ABL1: variants seen among roughly 807,000 people sequenced by gnomAD.
ABL1 encodes the protein ABL proto-oncogene 1, non-receptor tyrosine kinase, also known as tyrosine-protein kinase ABL1.
ABL1 carries 11 observed loss-of-function variants against 94.7 expected under a neutral mutation model. That is an observed-to-expected ratio of 0.12 (90% confidence interval 0.07 to 0.19). The LOEUF (loss-of-function observed/expected upper bound fraction) is 0.19. ABL1 is among the 10% of genes least tolerant of loss of function. The probability of loss-of-function intolerance (pLI) is 1.00; values close to 1 mark genes in which losing one functional copy is unlikely to be tolerated. For missense variants in ABL1, 1,082 were observed against 1,489.4 expected (o/e 0.73, Z 4.50); for synonymous variants, 656 against 622.4 (o/e 1.05, Z -0.80).
rs1278274472 is a variant in ABL1, at chr9:130,862,693, AACTGGCTC to A, written c.550-67_550-60del. On this transcript the variant is annotated intron_variant, in intron 3 of 10. Transcript: ENST00000318560. This position sits in a 1 kb window ranked among gnomAD's most constrained non-coding sequence, Gnocchi z 5.5. The stretch of plus-strand genomic sequence containing the variant: ...TGTGTAGTGAATTAAGGCTCAGCCA[AACTGGCTC>A]ACGTGAGCTCTTTGAGCTTGCCTGT... 34 of 1,553,100 alleles carry A rather than the reference AACTGGCTC, an allele frequency of 2.2e-5. No homozygotes were observed. The highest frequency in any genetic ancestry group is 3.0e-5 in the Non-Finnish European group (34 of 1,149,382).
intron 1 of ABL1, among the ~76,000 whole-genome samples, chr9:130,722,690 C>A (rs1831531708): frequency 6.6e-6 from 1 of 152,086 alleles, no homozygotes; most frequent in Non-Finnish European, 1.5e-5. Context: ...TCAGTTGTTT[C>A]CAATAGTCTA....
At chr9:130,829,929 G>A (rs1447914310) in intron 1 of ABL1, among the ~76,000 whole-genome samples, 2 of 152,158 alleles carry the variant, frequency 1.3e-5, no homozygotes, top group Non-Finnish European at 2.9e-5. Context: ...AATGAATTCA[G>A]AAAGAGCAAG....
chr9:130,781,080 C>T (rs762683363), intron 1 of ABL1, among the ~76,000 whole-genome samples: 11 of 152,146 alleles, frequency 7.2e-5, no homozygotes, highest in African/African-American at 1.2e-4. Context: ...AGTGAGTCAA[C>T]GCAGTCCCAA....
At chr9:130,739,035 C>T (rs559631815) in intron 1 of ABL1, among the ~76,000 whole-genome samples, 2 of 152,214 alleles carry the variant, frequency 1.3e-5, no homozygotes, top group Non-Finnish European at 2.9e-5. Context: ...CCGCTACAGG[C>T]GCGTGCCACC....
intron 1 of ABL1, among the ~76,000 whole-genome samples, chr9:130,804,045 A>G (rs1415625445): frequency 6.6e-6 from 1 of 151,082 alleles, no homozygotes; most frequent in African/African-American, 2.4e-5. Flanking sequence ...CAAGAGACTG[A>G]GTGAGACCTC....
intron 1 of ABL1, among the ~76,000 whole-genome samples, chr9:130,840,329 A>G (rs1054762494): frequency 6.6e-6 from 1 of 152,150 alleles, no homozygotes; most frequent in Non-Finnish European, 1.5e-5. Flanking sequence ...GAATATTTTC[A>G]TTGTGGAAGA....
chr9:130,775,454 AAAG>A (rs1207283237), intron 1 of ABL1, among the ~76,000 whole-genome samples: 5 of 152,216 alleles, frequency 3.3e-5, no homozygotes, highest in Non-Finnish European at 7.3e-5. Flanking sequence ...AAGAACTAAA[AAAG>A]AAATGAAAAC....
intron 1 of ABL1, among the ~76,000 whole-genome samples, chr9:130,742,211 C>T (rs1309289695): frequency 6.6e-6 from 1 of 152,172 alleles, no homozygotes; most frequent in Non-Finnish European, 1.5e-5. Flanking sequence ...TGTGCCCTAA[C>T]TGTGGTGGAT....
chr9:130,857,441 T>C (rs929559753), intron 3 of ABL1, among the ~76,000 whole-genome samples: 6 of 152,246 alleles, frequency 3.9e-5, no homozygotes, highest in Non-Finnish European at 8.8e-5. Flanking sequence ...GTCATCTTTA[T>C]GCCATTTAGT....
Position 130,835,582 on chromosome 9 carries a change from G to A in ABL1, c.79+57G>A. 3 of 1,479,332 alleles carry A rather than the reference G, an allele frequency of 2.0e-6. No homozygotes were observed. Among genetic ancestry groups the A allele is most frequent in the Non-Finnish European group, 2.8e-6 (3 of 1,086,154 alleles). The allele number at this position is 1,479,332 out of a possible 1,614,324, so 91.6% of individuals were successfully genotyped here. A position where few individuals can be genotyped will look rare whatever the true frequency, so the allele number is the denominator to read the frequency against. On this transcript the variant is annotated intron_variant, in intron 1 of 10. Transcript: ENST00000318560. The surrounding 1 kb of genome is among the most constrained non-coding windows in gnomAD (Gnocchi z 4.6). ...AGCCGCGCGCCCTCCCGCTGCTGCT[G>A]GGCCCTTCCTAGGCCTCGCCGCCCG... is the stretch of plus-strand genomic sequence containing the variant.
At chr9:130,731,787 A>G (rs1831669867) in intron 1 of ABL1, among the ~76,000 whole-genome samples, 1 of 152,158 alleles carries the variant, frequency 6.6e-6, no homozygotes, top group African/African-American at 2.4e-5. Context: ...TTCCATACCC[A>G]AACAGAAATA....
At chr9:130,741,080 C>T (rs1221919112) in intron 1 of ABL1, among the ~76,000 whole-genome samples, 1 of 152,090 alleles carries the variant, frequency 6.6e-6, no homozygotes, top group Non-Finnish European at 1.5e-5. Flanking sequence ...GGTACATAGA[C>T]TAAGGAGCCA....
chr9:130,719,955 A>G (rs1458683785), intron 1 of ABL1, among the ~76,000 whole-genome samples: 1 of 152,246 alleles, frequency 6.6e-6, no homozygotes, highest in Non-Finnish European at 1.5e-5. Flanking sequence ...ATGTTATTAA[A>G]TATTTCATGC....
chr9:130,745,534 C>A (rs1183591265), intron 1 of ABL1, among the ~76,000 whole-genome samples: 1 of 151,526 alleles, frequency 6.6e-6, no homozygotes, highest in African/African-American at 2.4e-5. Context: ...TCTCTCTCTC[C>A]CTCTCCTCTG....
At chr9:130,808,948 G>A (rs1830167903) in intron 1 of ABL1, among the ~76,000 whole-genome samples, 1 of 152,198 alleles carries the variant, frequency 6.6e-6, no homozygotes, top group Non-Finnish European at 1.5e-5. Flanking sequence ...TGAGACCTGA[G>A]AAATAGAGCC....
intron 3 of ABL1, among the ~76,000 whole-genome samples, chr9:130,859,812 C>A (rs1024983187): frequency 2.6e-5 from 4 of 151,460 alleles, no homozygotes; most frequent in African/African-American, 7.3e-5. Flanking sequence ...TCTCAAGTAG[C>A]TGAGACTACA....
At chr9:130,714,177 C>T (rs1831406611) in exon 1 of ABL1, 1 of 776,824 alleles carries the variant, frequency 1.3e-6, no homozygotes, top group African/African-American at 1.8e-5. Context: ...TGGAAGATGT[C>T]TTTCTGTGAT....
rs1426435818 is a variant in ABL1, at chr9:130,872,300, A to G, written c.907+87A>G. On this transcript the variant is annotated intron_variant, in intron 5 of 10. Transcript: ENST00000318560. This position sits in a 1 kb window ranked among gnomAD's most constrained non-coding sequence, Gnocchi z 5.0. Reference sequence around the variant, plus strand: ...GCTGGGGAAGACGCACGGGCGGCTCACTGCACAAAACCTCGTTGGAATATT... The same window carrying G: ...GCTGGGGAAGACGCACGGGCGGCTCGCTGCACAAAACCTCGTTGGAATATT... 2.5e-6 allele frequency: 3 copies of G among 1,210,080 alleles called. No individual in the cohort carries two copies. In the Admixed American group the frequency reaches 6.5e-5, roughly 26 times the overall value. The allele number at this position is 1,210,080 out of a possible 1,614,324, so 75.0% of individuals were successfully genotyped here.
chr9:130,762,214 C>T (rs1832125349), intron 1 of ABL1, among the ~76,000 whole-genome samples: 1 of 152,032 alleles, frequency 6.6e-6, no homozygotes, highest in Non-Finnish European at 1.5e-5. Context: ...AGAACCCCAC[C>T]CCCAGAGATA....
Sources: allele counts gnomAD v4.1 joint callset (sites outside exome capture counted in the v4.1 genomes callset), GRCh38; gene constraint gnomAD v4.1.1; non-coding constraint Gnocchi (gnomAD v3.1); transcripts MANE v1.5; gene names NCBI Gene and HGNC (gene_info 2026-07-23, HGNC 2026-07-21).